The following FBN1 variants were observed in gnomAD, a reference collection of about 807,000 sequenced individuals.
FBN1 encodes fibrillin-1.
In FBN1, 29 loss-of-function variants were observed where a neutral mutation model predicts 365.1. The observed-to-expected ratio is 0.08, with a 90% CI of 0.06 to 0.11. The LOEUF (loss-of-function observed/expected upper bound fraction) is 0.11, where lower values mean the gene tolerates loss of function less well. FBN1 is among the 10% of genes least tolerant of loss of function. FBN1 has a pLI of 1.00. For missense variants in FBN1, 2,476 were observed against 3,703.2 expected, an observed-to-expected ratio of 0.67 and a Z score of 8.60; for synonymous variants, 1,210 against 1,270.5, an observed-to-expected ratio of 0.95 and a Z score of 1.01.
intron 31 of FBN1, among the ~76,000 whole-genome samples, chr15:48,483,435 CAAAT>C (rs1028288860): frequency 1.3e-5 from 2 of 152,114 alleles, no homozygotes; most frequent in African/African-American, 4.8e-5. Flanking sequence ...CTATACAAAA[CAAAT>C]AGATCAGTTC....
chr15:48,421,438 A>AGT, intron 62 of FBN1, 120 bp downstream of exon 62: 1 of 1,214,974 alleles, frequency 8.2e-7, no homozygotes, highest in Non-Finnish European at 1.2e-6. Context: ...ATTTTAGCTG[A>AGT]GTGCCCCCCT....
intron 23 of FBN1, 133 bp from the exon 24 acceptor site, chr15:48,492,719 T>G (rs1308614623): frequency 5.5e-6 from 4 of 723,786 alleles, no homozygotes; most frequent in Non-Finnish European, 6.8e-6. Context: ...TACAAGTAGT[T>G]TGTGTAGAAT....
chr15:48,487,712 T>C (rs1356923244), intron 27 of FBN1, among the ~76,000 whole-genome samples: 1 of 152,226 alleles, frequency 6.6e-6, no homozygotes, highest in Non-Finnish European at 1.5e-5. Context: ...CAGTAAGAAA[T>C]ACCACTTTTG....
In FBN1 at chr15:48,498,987, C is replaced by T. The variant is rs1197990559; in HGVS notation, c.2165G>A (p.Ser722Asn). Residue 722 changes from serine (S) to asparagine (N), a missense_variant and splice_region_variant, in exon 18 of 66, where the codon AGT becomes AAT. By Grantham distance (46) the Ser-to-Asn change is conservative. This residue lies in a region of FBN1 where 1,780 missense variants were observed against 2,840.8 expected (regional missense o/e 0.63). Transcript: ENST00000316623. ...TAAATTTTGAAAGGAATCCTTACCA[C>T]TGCCTGCTGACGTCATTCCTGGCCC... ...SSGPGMTSAG[S>N]DINECALDPD... 1.9e-6 allele frequency: 3 copies of T among 1,614,152 alleles called. No individual in the cohort carries two copies. The highest frequency in any genetic ancestry group is 3.3e-5 in the Admixed American group (2 of 60,036).
rs4775760 is a variant in FBN1, at chr15:48,409,415, A to C, written c.*1575T>G. ...TGTGTCCTACCTAGTTTCTCCGCCC[A>C]CCACCTTCATGCCATCTTATTTCCT... On this transcript the variant is annotated 3_prime_UTR_variant, in exon 66 of 66. Coordinates refer to ENST00000316623, the MANE Select transcript of FBN1 (RefSeq NM_000138.5). 104,415 of 152,000 alleles carry C rather than the reference A, an allele frequency of 0.69. 36,932 individuals are homozygous for C. The highest frequency in any genetic ancestry group is 0.8 in the South Asian group (3,849 of 4,804). The allele number at this position is 152,000 out of a possible 1,614,324, so 9.4% of individuals were successfully genotyped here. A position where few individuals can be genotyped will look rare whatever the true frequency, so the allele number is the denominator to read the frequency against.
intron 44 of FBN1, among the ~76,000 whole-genome samples, chr15:48,455,714 T>G (rs2043233416): frequency 6.6e-6 from 1 of 152,036 alleles, no homozygotes; most frequent in African/African-American, 2.4e-5. Context: ...GCAGGCAGAG[T>G]AAGGGACATG....
At position 48,487,575 on chromosome 15, in the gene FBN1, T is replaced by C. The variant is rs150817008; in HGVS notation, c.3338-138A>G. ...TGGGACAACTCTCTGGTGCTATTCA[T>C]ACACCAGATCTCCCTGCAGGATCAG... On this transcript the variant is annotated intron_variant, in intron 27 of 65. Coordinates refer to ENST00000316623, the MANE Select transcript of FBN1 (RefSeq NM_000138.5). 3.1e-4 allele frequency: 376 copies of C among 1,199,362 alleles called. 3 individuals carry two copies. In the African/African-American group the frequency reaches 4.9e-3, roughly 16 times the overall value. The allele number at this position is 1,199,362 out of a possible 1,614,324, so 74.3% of individuals were successfully genotyped here.
chr15:48,502,307 T>C (rs1177594492), intron 17 of FBN1, among the ~76,000 whole-genome samples: 11 of 152,162 alleles, frequency 7.2e-5, no homozygotes, highest in Admixed American at 5.9e-4. Context: ...TGGCCTCCCA[T>C]AGTGCTGGGA....
chr15:48,439,169 TTCTA>T (rs1019838324), intron 50 of FBN1, among the ~76,000 whole-genome samples: 27 of 152,188 alleles, frequency 1.8e-4, no homozygotes, highest in Admixed American at 1.2e-3. Flanking sequence ...GAATTAAAGT[TTCTA>T]TCTATCTATC....
Position 48,503,843 on chromosome 15 carries a change from G to T in FBN1, c.2057C>A (p.Ala686Asp), listed in dbSNP as rs193922186. The T allele has an allele frequency of 6.2e-7, 1 of 1,614,052 alleles. No individual in the cohort carries two copies. The highest frequency in any genetic ancestry group is 8.5e-7 in the Non-Finnish European group (1 of 1,180,042). ...TTCCCCAAATGCATACTCAGTGCTG[G>T]CGCAACAGCATTCAGATTTAGTGAC... ...GAVTKSECCC[A>D]STEYAFGEPC... The change falls in exon 17 of 66, where the codon GCC becomes GAC. Residue 686 changes from alanine to aspartate, a missense_variant. Around this residue, in one of 5 missense-constraint regions of FBN1, gnomAD observed 1,780 missense variants for 2,840.8 expected, o/e 0.63. Transcript: ENST00000316623.
intron 12 of FBN1, 136 bp downstream of exon 12, chr15:48,515,251 G>T: frequency 1.1e-6 from 1 of 937,008 alleles, no homozygotes; most frequent in Non-Finnish European, 1.6e-6. Flanking sequence ...CTACAGAGCT[G>T]AAAGATAATT....
At chr15:48,425,121 A>T (rs901051914) in intron 60 of FBN1, among the ~76,000 whole-genome samples, 2 of 152,248 alleles carry the variant, frequency 1.3e-5, no homozygotes, top group African/African-American at 4.8e-5. Context: ...TCTCTGAGAC[A>T]GTCATGGATG....
At chr15:48,540,428 A>G (rs1393398780) in intron 6 of FBN1, among the ~76,000 whole-genome samples, 3 of 152,176 alleles carry the variant, frequency 2.0e-5, no homozygotes, top group Non-Finnish European at 2.9e-5. Flanking sequence ...TCTTCACTTA[A>G]CATTGCCAAA....
intron 6 of FBN1, among the ~76,000 whole-genome samples, chr15:48,540,038 G>A (rs1481624568): frequency 2.0e-5 from 3 of 152,236 alleles, no homozygotes; most frequent in South Asian, 4.1e-4. Flanking sequence ...CAGCACTGCA[G>A]TAATTTGGAA....
rs190504578 is a variant in FBN1, at chr15:48,524,343, A to G, written c.988+1787T>C. Reference sequence around the variant, plus strand: ...TGCACGGAAGATACTGCATACCACTATCTACATAGGAGGTTTTCTATTGGT... The same window carrying G: ...TGCACGGAAGATACTGCATACCACTGTCTACATAGGAGGTTTTCTATTGGT... On this transcript the variant is annotated intron_variant, in intron 9 of 65. Coordinates refer to ENST00000316623, the MANE Select transcript of FBN1 (RefSeq NM_000138.5). Among the ~76,000 whole-genome samples, 79 of 152,330 alleles carry G rather than the reference A, an allele frequency of 5.2e-4. 1 individual carries two copies. Among genetic ancestry groups the G allele is most frequent in the African/African-American group, 1.9e-3 (78 of 41,576 alleles).
At chr15:48,555,785 C>A (rs982280856) in intron 6 of FBN1, among the ~76,000 whole-genome samples, 7 of 152,214 alleles carry the variant, frequency 4.6e-5, no homozygotes, top group African/African-American at 1.7e-4. Context: ...CAACTACACA[C>A]ATTCCTTAGA....
chr15:48,520,067 CT>C (rs1197903042), intron 10 of FBN1, among the ~76,000 whole-genome samples: 2 of 152,070 alleles, frequency 1.3e-5, no homozygotes, highest in African/African-American at 4.8e-5. Flanking sequence ...TTTTTCTCCC[CT>C]AGACACAATT....
chr15:48,521,472 T>C (rs58363856), intron 9 of FBN1, among the ~76,000 whole-genome samples: 2,737 of 152,354 alleles, frequency 0.018, 70 homozygotes, highest in African/African-American at 0.058. Context: ...TCCAAGTTCT[T>C]AGTCCTATAG....
chr15:48,499,657 T>C (rs1178547094), intron 17 of FBN1, among the ~76,000 whole-genome samples: 3 of 152,232 alleles, frequency 2.0e-5, no homozygotes, highest in African/African-American at 7.2e-5. Flanking sequence ...AACTGAAGTA[T>C]AAAGAATATG....
Sources: gnomAD v4.1 joint callset for allele counts (sites outside exome capture counted in the v4.1 genomes callset) on GRCh38, gnomAD v4.1.1 for gene constraint, gnomAD v4.1.1 regional missense constraint, MANE v1.5 for transcripts, NCBI Gene and HGNC (gene_info 2026-07-23, HGNC 2026-07-21) for gene names.